The following CFAP54 variants were observed in gnomAD, a reference collection of about 807,000 sequenced individuals.
The protein encoded by CFAP54 is cilia and flagella associated protein 54.
CFAP54 carries 290 observed loss-of-function variants against 370.4 expected under a neutral mutation model. The observed-to-expected ratio is 0.78, with a 90% CI of 0.71 to 0.86. The LOEUF is 0.86. CFAP54 is among the 40% of genes least tolerant of loss of function. The pLI, the probability that CFAP54 is intolerant of heterozygous loss-of-function variation, is 0.00. For missense variants in CFAP54, 3,399 were observed against 3,528.7 expected (o/e 0.96, Z 0.93); for synonymous variants, 1,206 against 1,236.5 (o/e 0.98, Z 0.52).
At chr12:96,686,483 G>A (rs1273357748) in intron 42 of CFAP54, among the ~76,000 whole-genome samples, 1 of 152,184 alleles carries the variant, frequency 6.6e-6, no homozygotes, top group Non-Finnish European at 1.5e-5. Context: ...AGAGAGCATG[G>A]TACCAGCATC....
At chr12:96,806,215 A>ATAT (rs1565984969) in intron 63 of CFAP54, among the ~76,000 whole-genome samples, 6 of 79,456 alleles carry the variant, frequency 7.6e-5, no homozygotes, top group African/African-American at 2.2e-4. Flanking sequence ...TATATATATA[A>ATAT]TAACAACATA....
At chr12:96,621,442 A>AG (rs1956486668) in intron 26 of CFAP54, 148 bp from the exon 27 acceptor site, 1 of 453,352 alleles carries the variant, frequency 2.2e-6, no homozygotes, top group Admixed American at 4.4e-5. Flanking sequence ...TACGATCTGG[A>AG]GGTAAACTTA....
At chr12:96,512,246 T>A (rs1381351426) in intron 4 of CFAP54, among the ~76,000 whole-genome samples, 1 of 146,626 alleles carries the variant, frequency 6.8e-6, no homozygotes, top group East Asian at 2.0e-4. Flanking sequence ...ATTCTGATCT[T>A]ATTTGGAGAT....
intron 19 of CFAP54, among the ~76,000 whole-genome samples, chr12:96,574,322 G>T (rs2136419743): frequency 6.6e-6 from 1 of 152,080 alleles, no homozygotes; most frequent in East Asian, 1.9e-4. Context: ...TTTGAAATTT[G>T]GTAGACAGAC....
intron 17 of CFAP54, 159 bp downstream of exon 17, chr12:96,554,961 T>C: frequency 1.7e-6 from 1 of 588,078 alleles, no homozygotes; most frequent in Non-Finnish European, 2.6e-6. Flanking sequence ...AAAACATAAT[T>C]AAATCTTTCC....
Position 96,679,664 on chromosome 12 carries a change from T to C in CFAP54, c.5628T>C (p.Phe1876=). 6.2e-7 allele frequency: 1 copy of C among 1,614,036 alleles called. No individual in the cohort carries two copies. Among genetic ancestry groups the C allele is most frequent in the East Asian group, 2.2e-5 (1 of 44,872 alleles). The change falls in exon 40 of 68, where the codon TTT becomes TTC. Residue 1876 remains phenylalanine (F), a synonymous_variant. Transcript: ENST00000524981. ...PVDVTDTLRC[F]RETLEKSKYH... ...ACGTGACAGACACCTTGAGGTGTTT[T>C]AGAGAGACACTGGAAAAATCCAAAT...
At chr12:96,874,921 T>C (rs1264955440) in intron 67 of CFAP54, among the ~76,000 whole-genome samples, 197 bp from the exon 68 acceptor site, 1 of 151,806 alleles carries the variant, frequency 6.6e-6, no homozygotes, top group African/African-American at 2.4e-5. Context: ...CCGGCCGGGA[T>C]CTCTGCTTTT....
At chr12:96,729,310 C>T (rs910056313) in intron 50 of CFAP54, among the ~76,000 whole-genome samples, 2 of 152,218 alleles carry the variant, frequency 1.3e-5, no homozygotes, top group African/African-American at 2.4e-5. Context: ...CGGCAGGCCT[C>T]CTTGAGCTGT....
chr12:96,758,684 A>G (rs1470618092), intron 58 of CFAP54, among the ~76,000 whole-genome samples: 2 of 152,232 alleles, frequency 1.3e-5, no homozygotes, highest in Non-Finnish European at 2.9e-5. Flanking sequence ...TGTTTGAAGT[A>G]GGGTTTAATG....
chr12:96,590,587 G>C (rs757966475), intron 23 of CFAP54, among the ~76,000 whole-genome samples: 1 of 152,208 alleles, frequency 6.6e-6, no homozygotes, highest in Non-Finnish European at 1.5e-5. Context: ...TGCAGACTTA[G>C]CATTTTCTAT....
chr12:96,679,857 A>T, intron 40 of CFAP54, 105 bp downstream of exon 40: 1 of 1,124,440 alleles, frequency 8.9e-7, no homozygotes, highest in Non-Finnish European at 1.3e-6. Flanking sequence ...TGTACATGCA[A>T]CACTCCCTGA....
chr12:96,779,127 C>G (rs2136687792), intron 60 of CFAP54, among the ~76,000 whole-genome samples: 1 of 148,034 alleles, frequency 6.8e-6, no homozygotes, highest in African/African-American at 2.5e-5. Context: ...AAAAAAAAAC[C>G]CACAAATTAT....
At chr12:96,836,695 A>G (rs1225877375) in intron 66 of CFAP54, among the ~76,000 whole-genome samples, 1 of 152,234 alleles carries the variant, frequency 6.6e-6, no homozygotes, top group Non-Finnish European at 1.5e-5. Flanking sequence ...TTTGAATTTA[A>G]TCTAAAAATC....
At chr12:96,733,542 GT>G (rs35984233) in intron 50 of CFAP54, among the ~76,000 whole-genome samples, 4,312 of 138,994 alleles carry the variant, frequency 0.031, 102 homozygotes, top group African/African-American at 0.066. Context: ...AATCCTGTGG[GT>G]TTTTTTTTTT....
chr12:96,812,752 A>G (rs1466384841), intron 64 of CFAP54, among the ~76,000 whole-genome samples: 3 of 152,166 alleles, frequency 2.0e-5, no homozygotes, highest in African/African-American at 7.2e-5. Context: ...TTTATGTTCC[A>G]TGATTTTCAT....
At chr12:96,638,235 GTGTGTGTATATA>G (rs1486979649) in intron 32 of CFAP54, among the ~76,000 whole-genome samples, 34 of 93,580 alleles carry the variant, frequency 3.6e-4, no homozygotes, top group Admixed American at 1.5e-3. Context: ...GTGTGTGTGT[GTGTGTGTATATA>G]TATATATATT....
At chr12:96,554,641 A>G (rs998029988) in intron 16 of CFAP54, 35 bp from the exon 17 acceptor site, 5 of 1,498,200 alleles carry the variant, frequency 3.3e-6, no homozygotes, top group East Asian at 2.5e-5. Context: ...TTTGATAACT[A>G]TATTTCTTTT....
At chr12:96,560,706 A>G (rs1381835969) in intron 17 of CFAP54, among the ~76,000 whole-genome samples, 1 of 152,142 alleles carries the variant, frequency 6.6e-6, no homozygotes, top group Non-Finnish European at 1.5e-5. Flanking sequence ...CAATCGTTTT[A>G]TTAAGCTGAT....
chr12:96,825,842 AT>A lies in CFAP54; in HGVS notation c.9097-3169del, dbSNP rs544758094. Among the ~76,000 whole-genome samples, 336 of 134,298 alleles carry A rather than the reference AT, an allele frequency of 2.5e-3. 1 individual carries two copies. The highest frequency in any genetic ancestry group is 8.7e-3 in the African/African-American group (315 of 36,150). The allele number at this position is 134,298 out of a possible 152,430, so 88.1% of individuals were successfully genotyped here. On this transcript the variant is annotated intron_variant, in intron 65 of 67. Coordinates refer to ENST00000524981, the MANE Select transcript of CFAP54 (RefSeq NM_001306084.2). ...AATATATAAATTAGTATATAATATA[AT>A]TTATAATATATAAATTAATATATAA...
Sources: gnomAD v4.1 joint callset for allele counts (sites outside exome capture counted in the v4.1 genomes callset) on GRCh38, gnomAD v4.1.1 for gene constraint, MANE v1.5 for transcripts, NCBI Gene and HGNC (gene_info 2026-07-23, HGNC 2026-07-21) for gene names.